Variants in PRRX1 observed in about 807,000 individuals in gnomAD.
PRRX1 encodes paired related homeobox 1.
In PRRX1, 8 loss-of-function variants were observed where a neutral mutation model predicts 24.0. The ratio of observed to expected loss-of-function variants is 0.33; its 90% CI spans 0.20 to 0.60. PRRX1 has a LOEUF of 0.60. PRRX1 is among the 20% of genes least tolerant of loss of function. The pLI, the probability that PRRX1 is intolerant of heterozygous loss-of-function variation, is 0.82. For missense variants in PRRX1, 281 were observed against 322.4 expected, an observed-to-expected ratio of 0.87 and a Z score of 0.98; for synonymous variants, 160 against 131.7, an observed-to-expected ratio of 1.22 and a Z score of -1.47.
At chr1:170,680,467 T>G (rs972486266) in intron 1 of PRRX1, among the ~76,000 whole-genome samples, 1 of 152,178 alleles carries the variant, frequency 6.6e-6, no homozygotes, top group Non-Finnish European at 1.5e-5. Context: ...TTTGGTGACA[T>G]GAATTTTGCT....
At chr1:170,733,371 A>G (rs1318750452) in intron 3 of PRRX1, among the ~76,000 whole-genome samples, 1 of 152,132 alleles carries the variant, frequency 6.6e-6, no homozygotes, top group East Asian at 1.9e-4. Flanking sequence ...TTGATTATCT[A>G]AGAAAGGGCA....
chr1:170,731,538 A>G (rs1655437240), intron 3 of PRRX1, among the ~76,000 whole-genome samples: 1 of 152,208 alleles, frequency 6.6e-6, no homozygotes, highest in African/African-American at 2.4e-5. Context: ...TAGAAAGCAG[A>G]GGGGCAGTTG....
chr1:170,671,087 T>A (rs1653126702), intron 1 of PRRX1, among the ~76,000 whole-genome samples: 1 of 152,206 alleles, frequency 6.6e-6, no homozygotes, highest in African/African-American at 2.4e-5. Context: ...TGTATTAATT[T>A]GAATCCCCAA....
At chr1:170,711,769 G>C (rs1201321404) in intron 1 of PRRX1, among the ~76,000 whole-genome samples, 1 of 152,182 alleles carries the variant, frequency 6.6e-6, no homozygotes, top group Non-Finnish European at 1.5e-5. Context: ...CCTCAGCTCT[G>C]TTTGTAATCC....
intron 1 of PRRX1, among the ~76,000 whole-genome samples, chr1:170,696,493 A>T (rs1654176077): frequency 6.6e-6 from 1 of 152,182 alleles, no homozygotes; most frequent in Non-Finnish European, 1.5e-5. Flanking sequence ...AGTCGTTTAT[A>T]AGTAAAAATA....
intron 1 of PRRX1, among the ~76,000 whole-genome samples, chr1:170,705,593 T>C (rs1654530588): frequency 1.3e-5 from 2 of 152,106 alleles, no homozygotes. Context: ...CTGAAATATC[T>C]ATTTAAAATA....
At chr1:170,716,922 C>A (rs995358138) in intron 1 of PRRX1, among the ~76,000 whole-genome samples, 1 of 152,188 alleles carries the variant, frequency 6.6e-6, no homozygotes, top group Non-Finnish European at 1.5e-5. Flanking sequence ...AGATACTGTG[C>A]TGGGTCCTGT....
At chr1:170,722,244 G>A (rs1209171577) in intron 2 of PRRX1, among the ~76,000 whole-genome samples, 2 of 152,038 alleles carry the variant, frequency 1.3e-5, no homozygotes, top group African/African-American at 4.8e-5. Context: ...TGCATTTATG[G>A]CATTTATCAT....
At chr1:170,674,734 T>C (rs1489588573) in intron 1 of PRRX1, among the ~76,000 whole-genome samples, 3 of 152,094 alleles carry the variant, frequency 2.0e-5, no homozygotes, top group African/African-American at 7.2e-5. Context: ...CCCATCTCTG[T>C]TTTTGTAATC....
intron 2 of PRRX1, among the ~76,000 whole-genome samples, chr1:170,721,021 GA>G (rs1289797608): frequency 1.3e-5 from 2 of 152,216 alleles, no homozygotes; most frequent in Non-Finnish European, 2.9e-5. Flanking sequence ...CTGAGACACA[GA>G]GAGGTCAAAG....
At chr1:170,708,139 G>A (rs920972684) in intron 1 of PRRX1, among the ~76,000 whole-genome samples, 2 of 152,148 alleles carry the variant, frequency 1.3e-5, no homozygotes, top group Non-Finnish European at 2.9e-5. Flanking sequence ...CAGATGATGA[G>A]GATTTGGAAG....
chr1:170,718,660 C>A (rs1389357794), intron 1 of PRRX1, among the ~76,000 whole-genome samples: 1 of 152,172 alleles, frequency 6.6e-6, no homozygotes, highest in Admixed American at 6.5e-5. Context: ...TTAGATGGAG[C>A]ATGTGACTTG....
chr1:170,683,163 TG>T (rs1653611106), intron 1 of PRRX1, among the ~76,000 whole-genome samples: 1 of 152,222 alleles, frequency 6.6e-6, no homozygotes, highest in Non-Finnish European at 1.5e-5. Context: ...ATGTGATTTA[TG>T]TCTTTAAAAG....
At chr1:170,718,459 G>C (rs1216555735) in intron 1 of PRRX1, among the ~76,000 whole-genome samples, 7 of 152,186 alleles carry the variant, frequency 4.6e-5, no homozygotes, top group Non-Finnish European at 1.0e-4. Context: ...TAGTTTTGCT[G>C]AGTACATTGT....
At chr1:170,682,265 A>G (rs1653571035) in intron 1 of PRRX1, among the ~76,000 whole-genome samples, 1 of 151,130 alleles carries the variant, frequency 6.6e-6, no homozygotes. Flanking sequence ...CCTGACCTCT[A>G]AGGTCTGAAT....
In PRRX1 at chr1:170,730,432, CAGTTCT is replaced by C. The variant is rs1655401328; in HGVS notation, c.599+4034_599+4039del. ...AGAGTGTTTAAGAAAGTGGGGGTTG[CAGTTCT>C]AGAAATTTCAGCAGTGAAGTCCTCA... On this transcript the variant is annotated intron_variant, in intron 3 of 3. Coordinates refer to ENST00000239461, the MANE Select transcript of PRRX1 (RefSeq NM_022716.4). The C allele has an allele frequency of 6.6e-6, 8 of 1,213,924 alleles. No individual in the cohort carries two copies. The Middle Eastern group carries it at 9.6e-4, about 146-fold the overall frequency. 75.2% of individuals were successfully genotyped at this position (1,213,924 alleles called of 1,614,324 possible). A position where few individuals can be genotyped will look rare whatever the true frequency, so the allele number is the denominator to read the frequency against.
Position 170,735,414 on chromosome 1 carries a change from T to C in PRRX1, c.600-634T>C, listed in dbSNP as rs75582178. On this transcript the variant is annotated intron_variant, in intron 3 of 3. Coordinates refer to ENST00000239461, the MANE Select transcript of PRRX1 (RefSeq NM_022716.4). ...GCAGTGTATGCTATTCAAGTTCTCT[T>C]GAGGAGGTTTTAAAATCAAGGCCAG... 3.2e-3 allele frequency among the ~76,000 whole-genome samples: 493 copies of C among 152,350 alleles called. 5 individuals carry two copies. Among genetic ancestry groups the C allele is most frequent in the African/African-American group, 0.011 (446 of 41,584 alleles).
intron 1 of PRRX1, among the ~76,000 whole-genome samples, chr1:170,711,397 C>T (rs1448102210): frequency 6.6e-6 from 1 of 152,156 alleles, no homozygotes; most frequent in Non-Finnish European, 1.5e-5. Context: ...CTTTTGTTCT[C>T]ATAAGTTCAA....
At chr1:170,675,107 A>T (rs530033190) in intron 1 of PRRX1, among the ~76,000 whole-genome samples, 71 of 152,346 alleles carry the variant, frequency 4.7e-4, no homozygotes, top group African/African-American at 1.7e-3. Flanking sequence ...CACTAACAAC[A>T]GTTCTCCAAG....
Sources: gnomAD v4.1 joint callset for allele counts (sites outside exome capture counted in the v4.1 genomes callset) on GRCh38, gnomAD v4.1.1 for gene constraint, MANE v1.5 for transcripts, NCBI Gene and HGNC (gene_info 2026-07-23, HGNC 2026-07-21) for gene names.